Variants in TENM4 observed in about 807,000 individuals in gnomAD.
TENM4 encodes the protein teneurin-4.
In TENM4, 82 loss-of-function variants were observed where a neutral mutation model predicts 243.3. The observed-to-expected ratio is 0.34, with a 90% CI of 0.28 to 0.40. The LOEUF is 0.40. Among genes scored for constraint, TENM4 ranks in the 10% least tolerant of loss-of-function variants. The pLI is 1.00. For missense variants in TENM4, 3,138 were observed against 3,673.3 expected (o/e 0.85, Z 3.77); for synonymous variants, 1,412 against 1,456.3 (o/e 0.97, Z 0.69).
intron 20 of TENM4, among the ~76,000 whole-genome samples, chr11:78,733,602 A>C (rs748640660): frequency 6.6e-6 from 1 of 152,196 alleles, no homozygotes; most frequent in African/African-American, 2.4e-5. Flanking sequence ...AAACCTAGCA[A>C]GGCACGTTCC....
At chr11:79,414,984 G>A (rs549830897) in intron 1 of TENM4, among the ~76,000 whole-genome samples, 133 of 152,308 alleles carry the variant, frequency 8.7e-4, no homozygotes, top group Middle Eastern at 3.4e-3. Flanking sequence ...GAGAGGCCTC[G>A]TGGTGCAGGG....
At chr11:79,103,163 A>C (rs1861277163) in intron 4 of TENM4, among the ~76,000 whole-genome samples, 1 of 151,622 alleles carries the variant, frequency 6.6e-6, no homozygotes, top group South Asian at 2.1e-4. Flanking sequence ...CTGCCTGGTA[A>C]CCTCTTCAGG....
intron 12 of TENM4, among the ~76,000 whole-genome samples, chr11:78,829,945 C>A (rs1255271236): frequency 6.6e-6 from 1 of 152,126 alleles, no homozygotes; most frequent in Non-Finnish European, 1.5e-5. Context: ...GGAACAACAG[C>A]AATTAATGCT....
intron 6 of TENM4, among the ~76,000 whole-genome samples, chr11:79,001,479 C>G (rs1858326183): frequency 8.9e-6 from 1 of 112,798 alleles, no homozygotes; most frequent in Admixed American, 9.5e-5. Context: ...AGCAGGAGAC[C>G]CCCCCCAAAT....
At chr11:78,957,437 T>C (rs1252780114) in intron 6 of TENM4, among the ~76,000 whole-genome samples, 4 of 152,206 alleles carry the variant, frequency 2.6e-5, no homozygotes, top group South Asian at 2.1e-4. Context: ...ATAAACTGAC[T>C]TAAAAGGACC....
At chr11:78,771,537 C>T (rs1213454982) in intron 17 of TENM4, among the ~76,000 whole-genome samples, 9 of 152,184 alleles carry the variant, frequency 5.9e-5, no homozygotes, top group South Asian at 2.1e-4. Flanking sequence ...TTATCTCTGG[C>T]GGCTGTTTAG....
rs369515794 is a variant in TENM4 at position 78,959,934 on chromosome 11, T to TAC, written c.494-56413_494-56412dup. Among the ~76,000 whole-genome samples the TAC allele has an allele frequency of 2.7e-3, 413 of 151,952 alleles. 2 individuals are homozygous for TAC. The highest frequency in any genetic ancestry group is 7.9e-3 in the African/African-American group (326 of 41,458). On this transcript the variant is annotated intron_variant, in intron 6 of 33. Coordinates refer to ENST00000278550, the MANE Select transcript of TENM4 (RefSeq NM_001098816.3). ...TGAACAAAGAACATCATTACACATA[T>TAC]ACACACACACACATATATATATATT...
chr11:78,877,564 T>C (rs929259950), intron 9 of TENM4, among the ~76,000 whole-genome samples: 1 of 152,168 alleles, frequency 6.6e-6, no homozygotes, highest in Admixed American at 6.5e-5. Context: ...CCCTGGGCAA[T>C]GTTGTAAAAG....
chr11:78,929,786 T>A (rs957048514), intron 6 of TENM4, among the ~76,000 whole-genome samples: 2 of 152,372 alleles, frequency 1.3e-5, no homozygotes, highest in South Asian at 4.1e-4. Flanking sequence ...CTCCAGACTC[T>A]GTCATTTTGG....
intron 14 of TENM4, among the ~76,000 whole-genome samples, chr11:78,810,266 A>G (rs894508536): frequency 1.3e-5 from 2 of 152,242 alleles, no homozygotes; most frequent in African/African-American, 4.8e-5. Flanking sequence ...TCCTCAGAAA[A>G]GAAAGCTGGA....
chr11:79,099,373 G>A (rs544097360), intron 4 of TENM4, among the ~76,000 whole-genome samples: 1 of 152,184 alleles, frequency 6.6e-6, no homozygotes, highest in Non-Finnish European at 1.5e-5. Flanking sequence ...TCGTTCTCAT[G>A]GTGTGAATTT....
intron 4 of TENM4, among the ~76,000 whole-genome samples, chr11:79,129,533 G>T (rs960524295): frequency 6.6e-6 from 1 of 152,134 alleles, no homozygotes; most frequent in African/African-American, 2.4e-5. Flanking sequence ...CTGTTTGTTG[G>T]GGGGTAGGGA....
rs1475418929 is a variant in TENM4 at position 78,657,365 on chromosome 11, A to G, written c.*693T>C. ...CACCGACAACTACACAGGATTTGCA[A>G]AAGTGGTAGGGGGTTTCATTCAGCA... is the stretch of plus-strand genomic sequence containing the variant. On this transcript the variant is annotated 3_prime_UTR_variant, in exon 34 of 34. Transcript: ENST00000278550. 2.5e-6 allele frequency: 1 copy of G among 397,592 alleles called. No homozygotes were observed. The highest frequency in any genetic ancestry group is 3.6e-5 in the East Asian group (1 of 28,054). The allele number at this position is 397,592 out of a possible 1,614,324, so 24.6% of individuals were successfully genotyped here. A position where few individuals can be genotyped will look rare whatever the true frequency, so the allele number is the denominator to read the frequency against.
rs192810064 is a variant in TENM4, at chr11:78,728,075, G to A, written c.3406+1301C>T. Among the ~76,000 whole-genome samples the A allele has an allele frequency of 1.0e-3, 158 of 152,246 alleles. 2 individuals carry two copies. The highest frequency in any genetic ancestry group is 9.7e-3 in the Admixed American group (148 of 15,292). ...CACTTCCCTTTTTAACTGACTGGCG[G>A]GCACTAGAAGTGCTCATTTTTTCTC... On this transcript the variant is annotated intron_variant, in intron 22 of 33. Coordinates refer to ENST00000278550, the MANE Select transcript of TENM4 (RefSeq NM_001098816.3).
At chr11:79,429,134 G>A (rs1859115169) in intron 1 of TENM4, among the ~76,000 whole-genome samples, 1 of 152,164 alleles carries the variant, frequency 6.6e-6, no homozygotes, top group South Asian at 2.1e-4. Context: ...GATCAAGCTG[G>A]TGCAAGGTGG....
At chr11:79,326,242 A>G (rs945929325) in intron 1 of TENM4, among the ~76,000 whole-genome samples, 1 of 152,204 alleles carries the variant, frequency 6.6e-6, no homozygotes, top group Admixed American at 6.5e-5. Flanking sequence ...GGCCTTTATC[A>G]TAAGTCCCTA....
chr11:78,696,719 C>G (rs675527), intron 28 of TENM4, among the ~76,000 whole-genome samples: 9,287 of 152,228 alleles, frequency 0.061, 690 homozygotes, highest in African/African-American at 0.18. Context: ...TGTGCTGACT[C>G]AGAGAGGGTC....
intron 12 of TENM4, among the ~76,000 whole-genome samples, chr11:78,842,772 G>A (rs1339322922): frequency 6.6e-6 from 1 of 152,232 alleles, no homozygotes; most frequent in Non-Finnish European, 1.5e-5. Context: ...TTCACTAACT[G>A]GGTATTTAAC....
intron 1 of TENM4, among the ~76,000 whole-genome samples, chr11:79,312,294 G>A (rs150265127): frequency 2.0e-5 from 3 of 152,304 alleles, no homozygotes; most frequent in African/African-American, 7.2e-5. Context: ...CTGGCATCCA[G>A]GAAAGGGCTT....
Sources: allele counts gnomAD v4.1 joint callset (sites outside exome capture counted in the v4.1 genomes callset), GRCh38; gene constraint gnomAD v4.1.1; transcripts MANE v1.5; gene names NCBI Gene and HGNC (gene_info 2026-07-23, HGNC 2026-07-21).